The following FGFR2 variants were observed in gnomAD, a reference collection of about 807,000 sequenced individuals.
The protein encoded by FGFR2 is fibroblast growth factor receptor 2, also known as BEK fibroblast growth factor receptor.
In FGFR2, 19 loss-of-function variants were observed where a neutral mutation model predicts 95.9. That is an observed-to-expected ratio of 0.20 (90% confidence interval 0.14 to 0.29). The LOEUF (loss-of-function observed/expected upper bound fraction) is 0.29. Ranked by LOEUF, FGFR2 falls within the 10% of genes least tolerant of loss-of-function variation. FGFR2 has a pLI of 1.00. For synonymous variants in FGFR2, 392 were observed against 393.3 expected (o/e 1.00, Z 0.04); for missense variants, 707 against 1,056.9 (o/e 0.67, Z 4.59).
intron 1 of FGFR2, among the ~76,000 whole-genome samples, chr10:121,596,235 G>A (rs1461597379): frequency 3.9e-5 from 6 of 152,100 alleles, no homozygotes; most frequent in African/African-American, 7.2e-5. Context: ...CTTCTCGGCC[G>A]CCCGCCCCCC....
intron 2 of FGFR2, among the ~76,000 whole-genome samples, chr10:121,566,662 C>T (rs1857715533): frequency 6.6e-6 from 1 of 152,140 alleles, no homozygotes; most frequent in Non-Finnish European, 1.5e-5. Flanking sequence ...GCTCCCTCCC[C>T]CTCCACCATA....
intron 4 of FGFR2, among the ~76,000 whole-genome samples, chr10:121,558,128 G>T (rs77906560): frequency 6.6e-6 from 1 of 151,976 alleles, no homozygotes; most frequent in Non-Finnish European, 1.5e-5. Context: ...ATTAATCACC[G>T]AAACAAGCTG....
chr10:121,577,385 C>T (rs977167237), intron 2 of FGFR2, among the ~76,000 whole-genome samples: 3 of 151,656 alleles, frequency 2.0e-5, no homozygotes, highest in Non-Finnish European at 2.9e-5. Flanking sequence ...AATCCTCACT[C>T]CTCCGCTAAA....
chr10:121,533,009 G>A (rs1168364960), intron 6 of FGFR2, among the ~76,000 whole-genome samples: 1 of 152,162 alleles, frequency 6.6e-6, no homozygotes, highest in Non-Finnish European at 1.5e-5. Flanking sequence ...GGCCTCTGAT[G>A]GGCCCCCAAA....
At chr10:121,497,619 T>C (rs537948712) in intron 12 of FGFR2, among the ~76,000 whole-genome samples, 7 of 152,306 alleles carry the variant, frequency 4.6e-5, no homozygotes, top group African/African-American at 1.2e-4. Flanking sequence ...AATGAACATC[T>C]CTGTACATGT....
chr10:121,563,671 G>GTAT (rs1857275728), intron 4 of FGFR2, among the ~76,000 whole-genome samples: 1 of 152,092 alleles, frequency 6.6e-6, no homozygotes, highest in Non-Finnish European at 1.5e-5. Flanking sequence ...CCAGAAAATA[G>GTAT]TATTATTATT....
At chr10:121,520,639 A>G (rs931968460) in intron 6 of FGFR2, among the ~76,000 whole-genome samples, 1 of 152,120 alleles carries the variant, frequency 6.6e-6, no homozygotes, top group Admixed American at 6.6e-5. Flanking sequence ...CATGTCTCCC[A>G]ATACATTTTT....
At chr10:121,544,635 A>G (rs558895019) in intron 5 of FGFR2, among the ~76,000 whole-genome samples, 1 of 152,236 alleles carries the variant, frequency 6.6e-6, no homozygotes, top group East Asian at 1.9e-4. Context: ...ATAGACACAA[A>G]AAGTAGGTTA....
chr10:121,528,063 G>A (rs1225090175), intron 6 of FGFR2: 2 of 152,082 alleles, frequency 1.3e-5, no homozygotes, highest in Non-Finnish European at 2.9e-5. Context: ...TATTACAATG[G>A]GTGAACTCCC....
chr10:121,591,037 A>T (rs1270249950), intron 2 of FGFR2, among the ~76,000 whole-genome samples: 3 of 151,444 alleles, frequency 2.0e-5, no homozygotes, highest in Admixed American at 1.3e-4. Context: ...TCTCTCTTCC[A>T]ATTCACCAGC....
At chr10:121,504,254 A>G (rs778173131) in intron 9 of FGFR2, among the ~76,000 whole-genome samples, 2 of 152,180 alleles carry the variant, frequency 1.3e-5, no homozygotes, top group Non-Finnish European at 2.9e-5. Flanking sequence ...ACATGCAGAC[A>G]GTCCTCTCTG....
chr10:121,532,234 G>A (rs1401291596), intron 6 of FGFR2, among the ~76,000 whole-genome samples: 1 of 152,168 alleles, frequency 6.6e-6, no homozygotes, highest in African/African-American at 2.4e-5. Context: ...ACGGAGCCGA[G>A]ACCTTGTGCC....
chr10:121,479,360 A>G lies in FGFR2; in HGVS notation c.*497T>C, dbSNP rs3135827. ...TTTAGCAAATAGCTATTAAAAAAAG[A>G]GAGACCAATTTTCTAGGTGCATTGG... On this transcript the variant is annotated 3_prime_UTR_variant, in exon 18 of 18. Coordinates refer to ENST00000358487, the MANE Select transcript of FGFR2 (RefSeq NM_000141.5). 4 of 296,882 alleles carry G rather than the reference A, an allele frequency of 1.3e-5. No homozygotes were observed. Among genetic ancestry groups the G allele is most frequent in the Non-Finnish European group, 1.2e-5 (2 of 164,142 alleles). The allele number at this position is 296,882 out of a possible 1,614,324, so 18.4% of individuals were successfully genotyped here.
At chr10:121,498,326 C>T (rs1188384546) in intron 12 of FGFR2, among the ~76,000 whole-genome samples, 169 bp downstream of exon 12, 1 of 152,172 alleles carries the variant, frequency 6.6e-6, no homozygotes, top group Non-Finnish European at 1.5e-5. Context: ...GGGCACAGAC[C>T]CTTCTTTGTG....
At chr10:121,539,238 T>C (rs1398620815) in intron 5 of FGFR2, among the ~76,000 whole-genome samples, 1 of 152,262 alleles carries the variant, frequency 6.6e-6, no homozygotes, top group Non-Finnish European at 1.5e-5. Flanking sequence ...AGATGTTGTC[T>C]GGATGTCTCA....
chr10:121,578,123 G>A (rs1860225596), intron 2 of FGFR2, among the ~76,000 whole-genome samples: 1 of 152,010 alleles, frequency 6.6e-6, no homozygotes, highest in South Asian at 2.1e-4. Context: ...CCCATGGTGC[G>A]CCTCTTGTAG....
Position 121,481,835 on chromosome 10 carries a change from TTTTTA to T in FGFR2, c.2302-1819_2302-1815del, listed in dbSNP as rs1417022096. On this transcript the variant is annotated intron_variant, in intron 17 of 17. Transcript: ENST00000358487. The stretch of plus-strand genomic sequence containing the variant: ...CTTTTCCCGGTTTCTTTCTTTTTTA[TTTTTA>T]TTTTTTTTTTTTTTGAGACGGAGTC... 16 of 162,492 alleles carry T rather than the reference TTTTTA, an allele frequency of 9.8e-5. 1 individual carries two copies. Among genetic ancestry groups the T allele is most frequent in the East Asian group, 3.6e-4 (3 of 8,438 alleles). The allele number at this position is 162,492 out of a possible 1,614,324, so 10.1% of individuals were successfully genotyped here. A position where few individuals can be genotyped will look rare whatever the true frequency, so the allele number is the denominator to read the frequency against.
Position 121,517,242 on chromosome 10 carries a change from T to A in FGFR2, c.1084+77A>T. 2 of 1,485,108 alleles carry A rather than the reference T, an allele frequency of 1.3e-6. No homozygotes were observed. Among genetic ancestry groups the A allele is most frequent in the Non-Finnish European group, 1.9e-6 (2 of 1,063,214 alleles). The allele number at this position is 1,485,108 out of a possible 1,614,324, so 92.0% of individuals were successfully genotyped here. On this transcript the variant is annotated intron_variant, in intron 8 of 17. Coordinates refer to ENST00000358487, the MANE Select transcript of FGFR2 (RefSeq NM_000141.5). The surrounding 1 kb of genome is among the most constrained non-coding windows in gnomAD (Gnocchi z 4.7). ...CAAGGATAAAAGGGGCCATTTCTGA[T>A]AACAGAAGCTGTGTTAATTTTATAG... is the stretch of plus-strand genomic sequence containing the variant.
chr10:121,482,793 A>G (rs1325284288), intron 17 of FGFR2, among the ~76,000 whole-genome samples: 3 of 152,200 alleles, frequency 2.0e-5, no homozygotes, highest in Non-Finnish European at 4.4e-5. Context: ...GGCAAGGATC[A>G]TAAATTATTA....
Sources: allele counts gnomAD v4.1 joint callset (sites outside exome capture counted in the v4.1 genomes callset), GRCh38; gene constraint gnomAD v4.1.1; non-coding constraint Gnocchi (gnomAD v3.1); transcripts MANE v1.5; gene names NCBI Gene and HGNC (gene_info 2026-07-23, HGNC 2026-07-21).